Variants in DCPS observed in about 807,000 individuals in gnomAD.
The protein encoded by DCPS is decapping enzyme, scavenger.
Under a neutral mutation model 34.7 loss-of-function variants are expected in DCPS, and 27 were observed. The ratio of observed to expected loss-of-function variants is 0.78; its 90% confidence interval spans 0.57 to 1.07. DCPS has a LOEUF of 1.07. Among genes scored for constraint, DCPS ranks in the 50% least tolerant of loss-of-function variants. The pLI is 0.00. For synonymous variants in DCPS, 185 were observed against 185.7 expected, an observed-to-expected ratio of 1.00 and a Z score of 0.03; for missense variants, 464 against 436.9, an observed-to-expected ratio of 1.06 and a Z score of -0.55.
At position 126,333,642 on chromosome 11, in the gene DCPS, A is replaced by G. The variant is rs1269778878; in HGVS notation, c.522+2092A>G. 6.6e-6 allele frequency among the ~76,000 whole-genome samples: 1 copy of G among 152,146 alleles called. No individual in the cohort carries two copies. Among genetic ancestry groups the G allele is most frequent in the Non-Finnish European group, 1.5e-5 (1 of 68,008 alleles). On this transcript the variant is annotated intron_variant, in intron 3 of 5. Coordinates refer to ENST00000263579, the MANE Select transcript of DCPS (RefSeq NM_014026.6). This position sits in a 1 kb window ranked among gnomAD's most constrained non-coding sequence, Gnocchi z 5.7. ...CATCCGATGCTTTGGGGGAGCTGCA[A>G]GGAGTTTGGTGTGACTGGGGCTTGG...
At chr11:126,305,044 AG>A (rs1207326106) in intron 1 of DCPS, among the ~76,000 whole-genome samples, 1 of 152,216 alleles carries the variant, frequency 6.6e-6, no homozygotes, top group Non-Finnish European at 1.5e-5. Flanking sequence ...CACCTTTGGG[AG>A]GATCAGGGAA....
At chr11:126,343,463 TCA>T (rs1951893671) in intron 5 of DCPS, 46 bp downstream of exon 5, 1 of 1,479,070 alleles carries the variant, frequency 6.8e-7, no homozygotes, top group African/African-American at 1.4e-5. Flanking sequence ...GAAATTAGAC[TCA>T]GATTCCAGTG....
Position 126,306,673 on chromosome 11 carries a change from C to G in DCPS, c.305C>G (p.Pro102Arg). ...EQVAQLLTGS[P>R]ELQLQFSNDI... is the part of the protein sequence containing the mutation. ...GTGGCTCAGCTCCTGACGGGCAGCCCTGAGCTCCAGTTGCAGTTCTCCAAT... is the reference window on the plus strand; with the variant it reads ...GTGGCTCAGCTCCTGACGGGCAGCCGTGAGCTCCAGTTGCAGTTCTCCAAT... Residue 102 changes from proline (P) to arginine (R), a missense_variant, in exon 2 of 6, where the codon CCT (proline) becomes CGT (arginine). Coordinates refer to ENST00000263579, the MANE Select transcript of DCPS (RefSeq NM_014026.6). 6.2e-7 allele frequency: 1 copy of G among 1,613,914 alleles called. No homozygotes were observed. The highest frequency in any genetic ancestry group is 8.5e-7 in the Non-Finnish European group (1 of 1,179,864).
Position 126,306,588 on chromosome 11 carries a change from G to T in DCPS, c.220G>T (p.Asp74Tyr). Residue 74 changes from aspartate (D) to tyrosine (Y), a missense_variant, in exon 2 of 6, where the codon GAT (aspartate) becomes TAT (tyrosine). Asp to Tyr is a radical substitution (Grantham distance 160). Transcript: ENST00000263579. ...LHGKVNEASG[D>Y]GDGEDAVVIL... ...CCCACAGGTGAATGAGGCCTCTGGG[G>T]ATGGGGATGGAGAGGATGCCGTTGT... is the stretch of plus-strand genomic sequence containing the variant. 6.2e-7 allele frequency: 1 copy of T among 1,609,934 alleles called. No individual in the cohort carries two copies. The highest frequency in any genetic ancestry group is 1.7e-5 in the Admixed American group (1 of 59,914).
Position 126,304,170 on chromosome 11 carries a change from A to C in DCPS, c.90A>C (p.Ala30=). ...CCGCCAGCACAGAGGAAAAGGAGGC[A>C]GGAGTTGGAAATGGTACCTGTGCTC... ...AHAASTEEKE[A]GVGNGTCAPV... is the part of the protein sequence containing the mutation. The change falls in exon 1 of 6, where the codon GCA becomes GCC. Residue 30 remains alanine (A), a synonymous_variant. Coordinates refer to ENST00000263579, the MANE Select transcript of DCPS (RefSeq NM_014026.6). 1 of 1,614,258 alleles carries C rather than the reference A, an allele frequency of 6.2e-7. No homozygotes were observed. The highest frequency in any genetic ancestry group is 8.5e-7 in the Non-Finnish European group (1 of 1,180,038).
chr11:126,339,708 C>T (rs1424081664), intron 4 of DCPS, among the ~76,000 whole-genome samples: 2 of 152,228 alleles, frequency 1.3e-5, no homozygotes, highest in African/African-American at 4.8e-5. Flanking sequence ...CCCTTCCCTG[C>T]AGCTTCTCTC....
At position 126,346,173 on chromosome 11, in the gene DCPS, C is replaced by T. The variant is rs1037711828; in HGVS notation, c.*560C>T. 1.3e-4 allele frequency among the ~76,000 whole-genome samples: 20 copies of T among 152,098 alleles called. No individual in the cohort carries two copies. Among genetic ancestry groups the T allele is most frequent in the Non-Finnish European group, 8.8e-5 (6 of 68,022 alleles). ...ACCCTGCTGATAAACTTCTTGTTGA[C>T]GAGGATAGGGGCTTGGTGCCTGGAA... is the stretch of plus-strand genomic sequence containing the variant. On this transcript the variant is annotated 3_prime_UTR_variant, in exon 6 of 6. Coordinates refer to ENST00000263579, the MANE Select transcript of DCPS (RefSeq NM_014026.6). The surrounding 1 kb of genome is among the most constrained non-coding windows in gnomAD (Gnocchi z 4.1).
intron 1 of DCPS, among the ~76,000 whole-genome samples, chr11:126,305,701 A>C (rs11220450): frequency 3.9e-5 from 6 of 152,018 alleles, no homozygotes; most frequent in Admixed American, 2.6e-4. Context: ...GATTATAGGC[A>C]TGAGCGACTG....
intron 2 of DCPS, among the ~76,000 whole-genome samples, chr11:126,318,543 G>A (rs147425173): frequency 2.6e-5 from 4 of 152,268 alleles, no homozygotes; most frequent in East Asian, 3.9e-4. Context: ...CCAACCTCTC[G>A]TTCTTTCAGG....
rs1342034626 is a variant in DCPS at position 126,312,916 on chromosome 11, A to C, written c.376+6172A>C. Among the ~76,000 whole-genome samples, 1 of 152,120 alleles carries C rather than the reference A, an allele frequency of 6.6e-6. No homozygotes were observed. The highest frequency in any genetic ancestry group is 1.5e-5 in the Non-Finnish European group (1 of 68,036). Reference sequence around the variant, plus strand: ...TCTTCTTCCTGTTGCTGTGTGGCACATGTGAGGAGCTAATGGCCCGAAGGC... The same window carrying C: ...TCTTCTTCCTGTTGCTGTGTGGCACCTGTGAGGAGCTAATGGCCCGAAGGC... On this transcript the variant is annotated intron_variant, in intron 2 of 5. Transcript: ENST00000263579. The surrounding 1 kb of genome is among the most constrained non-coding windows in gnomAD (Gnocchi z 5.1).
Position 126,346,811 on chromosome 11 carries a change from G to A in DCPS, c.*1198G>A, listed in dbSNP as rs982615702. Among the ~76,000 whole-genome samples, 1 of 152,198 alleles carries A rather than the reference G, an allele frequency of 6.6e-6. No individual in the cohort carries two copies. Among genetic ancestry groups the A allele is most frequent in the African/African-American group, 2.4e-5 (1 of 41,442 alleles). ...ATTAGCCCCTTTACTGCAGGTGGTAGCCCAGGTGCAGCCAACCTGCTTCAG... is the reference window on the plus strand; with the variant it reads ...ATTAGCCCCTTTACTGCAGGTGGTAACCCAGGTGCAGCCAACCTGCTTCAG... On this transcript the variant is annotated 3_prime_UTR_variant, in exon 6 of 6. Coordinates refer to ENST00000263579, the MANE Select transcript of DCPS (RefSeq NM_014026.6). This position sits in a 1 kb window ranked among gnomAD's most constrained non-coding sequence, Gnocchi z 4.1.
chr11:126,330,719 ATTTTTTTTTTTTTTTTT>A (rs1167717646), intron 2 of DCPS, among the ~76,000 whole-genome samples: 1 of 18,874 alleles, frequency 5.3e-5, no homozygotes, highest in Non-Finnish European at 8.8e-5. Flanking sequence ...ATATATATAT[ATTTTTTTTTTTTTTTTT>A]TTTTTTTTTT....
At position 126,329,963 on chromosome 11, in the gene DCPS, G is replaced by A. The variant is rs1951769999; in HGVS notation, c.377-1442G>A. On this transcript the variant is annotated intron_variant, in intron 2 of 5. Transcript: ENST00000263579. This position sits in a 1 kb window ranked among gnomAD's most constrained non-coding sequence, Gnocchi z 5.0. ...AGGGAACCATGGGTCTTTTGAGAAA[G>A]ATCCAAGCTGATTTGGAAATACCCC... is the stretch of plus-strand genomic sequence containing the variant. Among the ~76,000 whole-genome samples, 1 of 152,132 alleles carries A rather than the reference G, an allele frequency of 6.6e-6. No homozygotes were observed.
At chr11:126,326,605 G>C (rs1414238471) in intron 2 of DCPS, among the ~76,000 whole-genome samples, 2 of 152,192 alleles carry the variant, frequency 1.3e-5, no homozygotes, top group Non-Finnish European at 2.9e-5. Flanking sequence ...AAAGTTGTAA[G>C]AATAGTACAA....
Position 126,319,197 on chromosome 11 carries a change from G to A in DCPS, c.377-12208G>A, listed in dbSNP as rs1376515466. On this transcript the variant is annotated intron_variant, in intron 2 of 5. Transcript: ENST00000263579. This position sits in a 1 kb window ranked among gnomAD's most constrained non-coding sequence, Gnocchi z 4.5. Reference sequence around the variant, plus strand: ...AGGCATCACTATCATCATTCTCGCCGCTAGAACATCCTGTAGATGAAGAGC... The same window carrying A: ...AGGCATCACTATCATCATTCTCGCCACTAGAACATCCTGTAGATGAAGAGC... Among the ~76,000 whole-genome samples the A allele has an allele frequency of 3.3e-5, 5 of 151,988 alleles. No homozygotes were observed. The highest frequency in any genetic ancestry group is 5.9e-5 in the Non-Finnish European group (4 of 67,996).
intron 1 of DCPS, among the ~76,000 whole-genome samples, chr11:126,305,154 C>G (rs901307393): frequency 2.0e-5 from 3 of 152,082 alleles, no homozygotes; most frequent in Admixed American, 6.5e-5. Context: ...TCTCTGTCAC[C>G]CAGGCTAGAG....
At chr11:126,318,040 T>G (rs760975770) in intron 2 of DCPS, among the ~76,000 whole-genome samples, 1 of 152,118 alleles carries the variant, frequency 6.6e-6, no homozygotes, top group Non-Finnish European at 1.5e-5. Flanking sequence ...TCCGGTCCTG[T>G]TGCCTCCCTA....
At chr11:126,310,221 C>T (rs1362584269) in intron 2 of DCPS, among the ~76,000 whole-genome samples, 2 of 152,146 alleles carry the variant, frequency 1.3e-5, no homozygotes, top group African/African-American at 2.4e-5. Context: ...TGTATGCCGG[C>T]GACGCCCACC....
At chr11:126,316,823 T>G (rs1951662949) in intron 2 of DCPS, among the ~76,000 whole-genome samples, 1 of 150,512 alleles carries the variant, frequency 6.6e-6, no homozygotes, top group Non-Finnish European at 1.5e-5. Context: ...CCCAGCTAAT[T>G]TTTTGTATTT....
Sources: allele counts gnomAD v4.1 joint callset (sites outside exome capture counted in the v4.1 genomes callset), GRCh38; gene constraint gnomAD v4.1.1; non-coding constraint Gnocchi (gnomAD v3.1); transcripts MANE v1.5; gene names NCBI Gene and HGNC (gene_info 2026-07-23, HGNC 2026-07-21).